Variants in NSUN6 observed in about 807,000 individuals in gnomAD.
The protein encoded by NSUN6 is tRNA (cytosine(72)-C(5))-methyltransferase NSUN6.
In NSUN6, 64 loss-of-function variants were observed where a neutral mutation model predicts 58.0. That is an observed-to-expected ratio of 1.10 (90% CI 0.90 to 1.36). NSUN6 has a LOEUF of 1.36. Ranked by LOEUF, NSUN6 falls within the 40% of genes most tolerant of loss-of-function variation. The pLI, the probability that NSUN6 is intolerant of heterozygous loss-of-function variation, is 0.00. For synonymous variants in NSUN6, 231 were observed against 193.9 expected, an observed-to-expected ratio of 1.19 and a Z score of -1.59; for missense variants, 701 against 550.1, an observed-to-expected ratio of 1.27 and a Z score of -2.74.
chr10:18,606,443 G>C (rs985417084), intron 6 of NSUN6, among the ~76,000 whole-genome samples: 1 of 152,182 alleles, frequency 6.6e-6, no homozygotes, highest in Non-Finnish European at 1.5e-5. Context: ...TGGGATCCTG[G>C]ATCGGATCCT....
chr10:18,613,709 A>G lies in NSUN6; in HGVS notation c.575+751T>C, dbSNP rs188656616. On this transcript the variant is annotated intron_variant, in intron 5 of 10. Transcript: ENST00000377304. The stretch of plus-strand genomic sequence containing the variant: ...CTAGATCTAGGGAATCCAACAGTCA[A>G]CTTCTTCAGAAGAACGAATGAATTT... Among the ~76,000 whole-genome samples the G allele has an allele frequency of 9.2e-5, 14 of 152,296 alleles. No individual in the cohort carries two copies. The East Asian group carries it at 2.7e-3, about 29-fold the overall frequency.
At chr10:18,608,737 A>T (rs746541471) in intron 6 of NSUN6, among the ~76,000 whole-genome samples, 15 of 152,112 alleles carry the variant, frequency 9.9e-5, no homozygotes, top group Middle Eastern at 3.2e-3. Flanking sequence ...AACTGGAAGG[A>T]GTGCAGGTAT....
rs568073198 is a variant in NSUN6, at chr10:18,609,698, T to C, written c.657+147A>G. The C allele has an allele frequency of 1.5e-5, 7 of 476,014 alleles. No individual in the cohort carries two copies. The Admixed American group carries it at 2.3e-4, about 16-fold the overall frequency. The allele number at this position is 476,014 out of a possible 1,614,324, so 29.5% of individuals were successfully genotyped here. A position where few individuals can be genotyped will look rare whatever the true frequency, so the allele number is the denominator to read the frequency against. ...AAAAGAAAGGAGAATGCTTGTAAAGTTTTTTCTTACTGCTTAACCAAAGGT... is the reference window on the plus strand; with the variant it reads ...AAAAGAAAGGAGAATGCTTGTAAAGCTTTTTCTTACTGCTTAACCAAAGGT... On this transcript the variant is annotated intron_variant, in intron 6 of 10. Transcript: ENST00000377304.
At chr10:18,636,386 C>T (rs973621719) in intron 3 of NSUN6, among the ~76,000 whole-genome samples, 8 of 150,542 alleles carry the variant, frequency 5.3e-5, no homozygotes, top group African/African-American at 1.9e-4. Context: ...ACTGGCCGGC[C>T]ATGGTGGCTG....
At chr10:18,586,452 C>T (rs747205170) in intron 7 of NSUN6, among the ~76,000 whole-genome samples, 44 of 152,176 alleles carry the variant, frequency 2.9e-4, no homozygotes, top group Non-Finnish European at 4.8e-4. Flanking sequence ...CGCAGACCTT[C>T]GCAGTGAGTG....
intron 8 of NSUN6, among the ~76,000 whole-genome samples, chr10:18,566,510 T>G (rs1302828917): frequency 6.8e-6 from 1 of 147,444 alleles, no homozygotes; most frequent in Non-Finnish European, 1.5e-5. Context: ...CCATTCTCCA[T>G]TCTATTCCAC....
chr10:18,606,363 T>C (rs2058047561), intron 6 of NSUN6, among the ~76,000 whole-genome samples: 1 of 136,912 alleles, frequency 7.3e-6, no homozygotes, highest in Non-Finnish European at 1.6e-5. Flanking sequence ...GTCTCAAAAC[T>C]GTCAAGGTCT....
rs2055024633 is a variant in NSUN6, at chr10:18,556,409, AGAATG to A, written c.923-4443_923-4439del. On this transcript the variant is annotated intron_variant, in intron 8 of 10. Coordinates refer to ENST00000377304, the MANE Select transcript of NSUN6 (RefSeq NM_182543.5). ...TGAAGAATGGAAGAAAACAGAAGGG[AGAATG>A]GAATGGAATGGAGAACTGAATGGAA... Among the ~76,000 whole-genome samples the A allele has an allele frequency of 2.0e-5, 3 of 151,000 alleles. No individual in the cohort carries two copies. In the South Asian group the frequency reaches 6.3e-4, roughly 32 times the overall value.
rs547745218 is a variant in NSUN6, at chr10:18,635,555, G to A, written c.311+6921C>T. ...TCTCATCAAAAGCTAAGAGGAAATAGGCTGAGTGTGGTGGCTCACATTTGT... is the reference window on the plus strand; with the variant it reads ...TCTCATCAAAAGCTAAGAGGAAATAAGCTGAGTGTGGTGGCTCACATTTGT... On this transcript the variant is annotated intron_variant, in intron 3 of 10. Transcript: ENST00000377304. Among the ~76,000 whole-genome samples the A allele has an allele frequency of 6.6e-5, 10 of 152,270 alleles. No individual in the cohort carries two copies. The East Asian group carries it at 1.7e-3, about 27-fold the overall frequency.
chr10:18,566,772 A>G (rs534737336), intron 8 of NSUN6, among the ~76,000 whole-genome samples: 84 of 149,372 alleles, frequency 5.6e-4, no homozygotes, highest in African/African-American at 1.5e-3. Context: ...TCGATTCTGC[A>G]TTCCATTCCA....
intron 9 of NSUN6, among the ~76,000 whole-genome samples, chr10:18,550,151 C>T (rs1254042124): frequency 2.0e-5 from 3 of 152,206 alleles, no homozygotes; most frequent in African/African-American, 7.2e-5. Context: ...TCCTAGTAGC[C>T]TTTTAAAATA....
chr10:18,629,856 G>T (rs1040807398), intron 3 of NSUN6, among the ~76,000 whole-genome samples: 1 of 148,452 alleles, frequency 6.7e-6, no homozygotes, highest in Non-Finnish European at 1.5e-5. Context: ...GAGACAGAAA[G>T]TCAACAAGGA....
chr10:18,597,769 A>C (rs1447698136), intron 6 of NSUN6, among the ~76,000 whole-genome samples: 1 of 152,128 alleles, frequency 6.6e-6, no homozygotes, highest in Non-Finnish European at 1.5e-5. Flanking sequence ...TCCATCTAAA[A>C]ATAAATAAAT....
intron 5 of NSUN6, among the ~76,000 whole-genome samples, chr10:18,610,601 T>C (rs964504011): frequency 1.4e-4 from 22 of 152,196 alleles, no homozygotes; most frequent in South Asian, 2.1e-4. Context: ...ATCCCAAGGA[T>C]AACCTTTTCC....
intron 3 of NSUN6, among the ~76,000 whole-genome samples, chr10:18,628,378 A>G (rs1590128494): frequency 6.6e-6 from 1 of 152,244 alleles, no homozygotes; most frequent in Non-Finnish European, 1.5e-5. Context: ...ACAGTTCCTC[A>G]CCAGCAATGG....
intron 9 of NSUN6, among the ~76,000 whole-genome samples, chr10:18,549,969 A>G (rs1228727949): frequency 6.6e-6 from 1 of 152,214 alleles, no homozygotes; most frequent in Non-Finnish European, 1.5e-5. Flanking sequence ...TGCTACTCAG[A>G]TATAGAAAAC....
intron 8 of NSUN6, among the ~76,000 whole-genome samples, chr10:18,557,520 G>C (rs1239597619): frequency 6.6e-6 from 1 of 150,876 alleles, no homozygotes; most frequent in Non-Finnish European, 1.5e-5. Context: ...GAATGGAAGG[G>C]AGAATGGAAT....
chr10:18,626,837 T>C (rs545501585), intron 3 of NSUN6, among the ~76,000 whole-genome samples: 1 of 152,326 alleles, frequency 6.6e-6, no homozygotes, highest in East Asian at 1.9e-4. Flanking sequence ...TCATTTGGAT[T>C]TCAAGAGATT....
upstream of NSUN6, chr10:18,653,596 T>C (rs945487215): frequency 6.6e-6 from 1 of 152,340 alleles, no homozygotes; most frequent in Non-Finnish European, 1.5e-5. Context: ...GGTCTCGAAC[T>C]CCTCAGCTCA....
Sources: allele counts gnomAD v4.1 joint callset (sites outside exome capture counted in the v4.1 genomes callset), GRCh38; gene constraint gnomAD v4.1.1; transcripts MANE v1.5; gene names NCBI Gene and HGNC (gene_info 2026-07-23, HGNC 2026-07-21).